Variants in ALG12 observed in about 807,000 individuals in gnomAD.
The protein encoded by ALG12 is dol-P-Man:Man(7)GlcNAc(2)-PP-Dol alpha-1,6-mannosyltransferase.
In ALG12, 36 loss-of-function variants were observed where a neutral mutation model predicts 46.0. That is an observed-to-expected ratio of 0.78 (90% CI 0.60 to 1.03). The LOEUF is 1.03. Among genes scored for constraint, ALG12 ranks in the 50% least tolerant of loss-of-function variants. The probability of loss-of-function intolerance (pLI) is 0.00; values close to 1 mark genes in which losing one functional copy is unlikely to be tolerated. For missense variants in ALG12, 599 were observed against 633.5 expected, an observed-to-expected ratio of 0.95 and a Z score of 0.58; for synonymous variants, 326 against 291.6, an observed-to-expected ratio of 1.12 and a Z score of -1.20.
At chr22:49,915,187 G>A (rs1429315778) in intron 1 of ALG12, among the ~76,000 whole-genome samples, 2 of 152,218 alleles carry the variant, frequency 1.3e-5, no homozygotes, top group Non-Finnish European at 1.5e-5. Flanking sequence ...CGACTGAAAT[G>A]GTATGCAGTT....
At chr22:49,909,534 C>T (rs1432247517) in intron 5 of ALG12, among the ~76,000 whole-genome samples, 187 bp from the exon 6 acceptor site, 1 of 152,034 alleles carries the variant, frequency 6.6e-6, no homozygotes, top group Non-Finnish European at 1.5e-5. Context: ...CCACTGCACT[C>T]CATCCTGGGT....
chr22:49,868,547 C>G, the ALG12 span, among the ~76,000 whole-genome samples: 1 of 152,150 alleles, frequency 6.6e-6, no homozygotes, highest in Non-Finnish European at 1.5e-5. Context: ...CCACTGCACT[C>G]TAGCCTGGGC....
the ALG12 span, chr22:49,889,547 A>G: frequency 1.2e-5 from 2 of 167,190 alleles, no homozygotes; most frequent in African/African-American, 2.4e-5. Flanking sequence ...CAGTGTATAA[A>G]AGGGGATTGC....
intron 6 of ALG12, 151 bp from the exon 7 acceptor site, chr22:49,908,095 T>C (rs527287766): frequency 2.6e-6 from 2 of 772,578 alleles, no homozygotes; most frequent in Non-Finnish European, 4.1e-6. Context: ...CACTCAGGCC[T>C]CAGGCCCCTC....
chr22:49,886,742 A>G, the ALG12 span: 2 of 1,613,078 alleles, frequency 1.2e-6, no homozygotes, highest in Non-Finnish European at 1.7e-6. The surrounding 1 kb of genome is among the most constrained non-coding windows in gnomAD (Gnocchi z 7.7). Context: ...CAGTACAAAC[A>G]GGATTTAATC....
At chr22:49,875,638 C>G in the ALG12 span, among the ~76,000 whole-genome samples, 1 of 152,052 alleles carries the variant, frequency 6.6e-6, no homozygotes, top group African/African-American at 2.4e-5. Context: ...CCAGGCTGGT[C>G]TCGATCTACT....
At chr22:49,883,900 G>A in the ALG12 span, 2 of 1,608,098 alleles carry the variant, frequency 1.2e-6, no homozygotes, top group East Asian at 2.2e-5. Context: ...TGCAGAGAGT[G>A]AGGATGACTA....
chr22:49,862,491 G>A, the ALG12 span, among the ~76,000 whole-genome samples: 12 of 152,026 alleles, frequency 7.9e-5, no homozygotes, highest in Non-Finnish European at 1.5e-4. Flanking sequence ...AGTGTCTAGC[G>A]TAATGAGTCA....
the ALG12 span, among the ~76,000 whole-genome samples, chr22:49,893,003 A>G: frequency 6.6e-5 from 10 of 152,216 alleles, no homozygotes; most frequent in Non-Finnish European, 1.2e-4. Flanking sequence ...ATGCCACCAG[A>G]GAGAATCTGT....
rs970494484 is a variant in ALG12, at chr22:49,905,708, G to A, written c.993-1202C>T. 5.3e-5 allele frequency among the ~76,000 whole-genome samples: 8 copies of A among 152,200 alleles called. No individual in the cohort carries two copies. The highest frequency in any genetic ancestry group is 7.2e-5 in the African/African-American group (3 of 41,454). On this transcript the variant is annotated intron_variant, in intron 7 of 9. Transcript: ENST00000330817. The surrounding 1 kb of genome is among the most constrained non-coding windows in gnomAD (Gnocchi z 4.9). Reference sequence around the variant, plus strand: ...GTACCACGCTTCCCGTACAGCCTGCGGAACCGCGAGCCAATGAAGCCTCCT... The same window carrying A: ...GTACCACGCTTCCCGTACAGCCTGCAGAACCGCGAGCCAATGAAGCCTCCT...
downstream of ALG12, among the ~76,000 whole-genome samples, chr22:49,895,575 C>G (rs1401297181): frequency 6.6e-6 from 1 of 151,842 alleles, no homozygotes; most frequent in Non-Finnish European, 1.5e-5. Context: ...TCACTTGAAC[C>G]TGGGAGGCAG....
rs1473560003 is a variant in ALG12, at chr22:49,902,926, T to C, written c.*912A>G. The stretch of plus-strand genomic sequence containing the variant: ...GGTGTGTATGCATGGTGTGTGCACG[T>C]GTGCACGGTGTGTGGTGTGTATGCA... On this transcript the variant is annotated 3_prime_UTR_variant, in exon 10 of 10. Transcript: ENST00000330817. 2 of 262,912 alleles carry C rather than the reference T, an allele frequency of 7.6e-6. No homozygotes were observed. Among genetic ancestry groups the C allele is most frequent in the Non-Finnish European group, 1.5e-5 (2 of 135,038 alleles). 16.3% of individuals were successfully genotyped at this position (262,912 alleles called of 1,614,324 possible). A position where few individuals can be genotyped will look rare whatever the true frequency, so the allele number is the denominator to read the frequency against.
chr22:49,872,583 G>T, the ALG12 span, among the ~76,000 whole-genome samples: 1 of 152,202 alleles, frequency 6.6e-6, no homozygotes, highest in African/African-American at 2.4e-5. Flanking sequence ...AGGCTAAAGT[G>T]CAGTGTCACG....
At chr22:49,886,230 C>G in the ALG12 span, 1 of 915,622 alleles carries the variant, frequency 1.1e-6, no homozygotes, top group South Asian at 1.5e-5. This position sits in a 1 kb window ranked among gnomAD's most constrained non-coding sequence, Gnocchi z 7.7. Context: ...CCCGGAAGAT[C>G]TGCGAGCGGG....
chr22:49,862,523 G>A, the ALG12 span, among the ~76,000 whole-genome samples: 1 of 152,110 alleles, frequency 6.6e-6, no homozygotes, highest in African/African-American at 2.4e-5. Context: ...GGACACAGTT[G>A]TAACTGGTGC....
At chr22:49,890,675 T>A in the ALG12 span, among the ~76,000 whole-genome samples, 1 of 152,158 alleles carries the variant, frequency 6.6e-6, no homozygotes, top group Non-Finnish European at 1.5e-5. Flanking sequence ...TTCCTGGGTG[T>A]GTTTTTGCTA....
At chr22:49,875,376 C>A in the ALG12 span, among the ~76,000 whole-genome samples, 1 of 150,240 alleles carries the variant, frequency 6.7e-6, no homozygotes, top group Non-Finnish European at 1.5e-5. Context: ...TTCTGTCTTT[C>A]AAGTAATTTG....
the ALG12 span, among the ~76,000 whole-genome samples, chr22:49,864,227 A>T: frequency 5.9e-5 from 9 of 152,248 alleles, no homozygotes; most frequent in East Asian, 1.5e-3. Flanking sequence ...CTCTTTTTCC[A>T]CTGAGAGTGC....
downstream of ALG12, among the ~76,000 whole-genome samples, chr22:49,900,072 G>A (rs2060497693): frequency 6.6e-6 from 1 of 152,166 alleles, no homozygotes; most frequent in South Asian, 2.1e-4. Flanking sequence ...GCTGAGGTGG[G>A]AGGAAGGCTT....
Sources: allele counts gnomAD v4.1 joint callset (sites outside exome capture counted in the v4.1 genomes callset), GRCh38; gene constraint gnomAD v4.1.1; non-coding constraint Gnocchi (gnomAD v3.1); transcripts MANE v1.5; gene names NCBI Gene and HGNC (gene_info 2026-07-23, HGNC 2026-07-21).